EPG5: variants seen among roughly 807,000 people sequenced by gnomAD.
EPG5 encodes the protein ectopic P granules protein 5 homolog.
Under a neutral mutation model 302.7 loss-of-function variants are expected in EPG5, and 159 were observed. The ratio of observed to expected loss-of-function variants is 0.53; its 90% CI spans 0.46 to 0.60. EPG5 has a LOEUF of 0.60. EPG5 is among the 20% of genes least tolerant of loss of function. The pLI is 0.00. For synonymous variants in EPG5, 1,158 were observed against 1,136.8 expected (o/e 1.02, Z -0.37); for missense variants, 2,896 against 3,092.4 (o/e 0.94, Z 1.51).
intron 16 of EPG5, among the ~76,000 whole-genome samples, chr18:45,921,527 C>T (rs2145751945): frequency 6.6e-6 from 1 of 152,220 alleles, no homozygotes; most frequent in Middle Eastern, 3.4e-3. Flanking sequence ...AAATGCCATT[C>T]CTGGGCACTT....
At chr18:45,908,169 T>C in intron 23 of EPG5, 88 bp from the exon 24 acceptor site, 1 of 1,042,436 alleles carries the variant, frequency 9.6e-7, no homozygotes, top group Non-Finnish European at 1.3e-6. Context: ...CTGGCACCCC[T>C]ACATAAGAGT....
At chr18:45,939,962 CAAATA>C (rs1311087969) in intron 9 of EPG5, among the ~76,000 whole-genome samples, 1 of 151,664 alleles carries the variant, frequency 6.6e-6, no homozygotes, top group Non-Finnish European at 1.5e-5. Flanking sequence ...AAAGAGACAA[CAAATA>C]AAATAAAGTC....
At chr18:45,870,421 T>C (rs1278117983) in intron 36 of EPG5, 146 bp downstream of exon 36, 3 of 572,368 alleles carry the variant, frequency 5.2e-6, no homozygotes, top group Non-Finnish European at 8.4e-6. Context: ...AGACACTGTT[T>C]TCCACAGGCA....
chr18:45,941,161 G>A (rs1384100729), intron 9 of EPG5, among the ~76,000 whole-genome samples: 2 of 152,224 alleles, frequency 1.3e-5, no homozygotes, highest in Non-Finnish European at 2.9e-5. Context: ...CTGGAAGTGA[G>A]AATGAAACAA....
At chr18:45,840,212 G>A in the EPG5 span, 232,059 of 1,611,182 alleles carry the variant, frequency 0.14, 22,474 homozygotes, top group Admixed American at 0.42. Flanking sequence ...CTCCCACAGA[G>A]CATCTGGACA....
At chr18:45,807,670 G>A in the EPG5 span, among the ~76,000 whole-genome samples, 1 of 152,126 alleles carries the variant, frequency 6.6e-6, no homozygotes, top group Non-Finnish European at 1.5e-5. Context: ...CACATCCATA[G>A]GAAAAGGGAG....
Position 45,876,346 on chromosome 18 carries a change from T to G in EPG5, c.5943-4A>C. On this transcript the variant is annotated splice_polypyrimidine_tract_variant and splice_region_variant and intron_variant, in intron 34 of 43. Coordinates refer to ENST00000282041, the MANE Select transcript of EPG5 (RefSeq NM_020964.3). The stretch of plus-strand genomic sequence containing the variant: ...GGGGTAATGCCGCTGTTGGCTGCTT[T>G]AAAGAAAAGAAGCACACACTTAGGA... 2 of 1,611,134 alleles carry G rather than the reference T, an allele frequency of 1.2e-6. No homozygotes were observed. Among genetic ancestry groups the G allele is most frequent in the Non-Finnish European group, 1.7e-6 (2 of 1,177,312 alleles).
chr18:45,866,868 G>C lies in EPG5; in HGVS notation c.6551C>G (p.Ala2184Gly), dbSNP rs2048758988. Residue 2184 changes from alanine to glycine, a missense_variant, in exon 38 of 44, where the codon GCT (alanine) becomes GGT (glycine). By Grantham distance (60) the Ala-to-Gly change is moderately conservative. Transcript: ENST00000282041. ...TTTTAGGAGCTTCATGATTAATTCA[G>C]CATAAGATTCTTTTGCCAGGATGAT... ...PSIILAKESY[A>G]ELIMKLLKVS... is the part of the protein sequence containing the mutation. 1.9e-6 allele frequency: 3 copies of C among 1,614,014 alleles called. No homozygotes were observed. The highest frequency in any genetic ancestry group is 3.3e-5 in the Admixed American group (2 of 59,998).
intron 30 of EPG5, among the ~76,000 whole-genome samples, chr18:45,882,939 G>A (rs980032440): frequency 7.9e-5 from 12 of 151,010 alleles, no homozygotes; most frequent in South Asian, 2.1e-4. Flanking sequence ...CCCAGGAGGC[G>A]GAGGTTGCAG....
At chr18:45,835,316 A>AG in the EPG5 span, among the ~76,000 whole-genome samples, 1 of 152,326 alleles carries the variant, frequency 6.6e-6, no homozygotes, top group East Asian at 1.9e-4. Flanking sequence ...TGCACTAGAG[A>AG]GAAAAAGTAT....
intron 26 of EPG5, 43 bp downstream of exon 26, chr18:45,900,953 C>T (rs764002649): frequency 6.4e-7 from 1 of 1,570,564 alleles, no homozygotes; most frequent in Admixed American, 1.8e-5. Context: ...GCTGTCAAAG[C>T]CACCAACATG....
chr18:45,955,216 C>T lies in EPG5; in HGVS notation c.186G>A (p.Val62=). ...CATCCTGGAGCTGGGAATCAGTTAC[C>T]ACCTTCAGATGGTCTCCTTTGAATT... ...ACEFKGDHLK[V]VTDSQLQDDA... The change falls in exon 2 of 44, where the codon GTG becomes GTA. Residue 62 remains valine, a synonymous_variant. Coordinates refer to ENST00000282041, the MANE Select transcript of EPG5 (RefSeq NM_020964.3). 6.2e-7 allele frequency: 1 copy of T among 1,614,142 alleles called. No individual in the cohort carries two copies. The highest frequency in any genetic ancestry group is 8.5e-7 in the Non-Finnish European group (1 of 1,180,024).
intron 43 of EPG5, among the ~76,000 whole-genome samples, chr18:45,854,313 G>C (rs2048471276): frequency 6.6e-6 from 1 of 152,172 alleles, no homozygotes; most frequent in Admixed American, 6.5e-5. Context: ...TCTGATCCTT[G>C]CTCTTAATAA....
downstream of EPG5, chr18:45,844,176 A>T (rs1361156522): frequency 6.6e-6 from 1 of 152,218 alleles, no homozygotes; most frequent in Non-Finnish European, 1.5e-5. Context: ...AGAAAGATAA[A>T]TATCGCATGT....
chr18:45,918,383 T>C (rs1002442476), intron 16 of EPG5, among the ~76,000 whole-genome samples: 9 of 152,220 alleles, frequency 5.9e-5, no homozygotes, highest in African/African-American at 2.2e-4. Flanking sequence ...AACATTTCCT[T>C]TGAGTGCAAT....
intron 35 of EPG5, among the ~76,000 whole-genome samples, chr18:45,872,285 A>G (rs553842260): frequency 4.4e-4 from 67 of 152,352 alleles, no homozygotes; most frequent in African/African-American, 1.6e-3. Context: ...TATAAGGGAC[A>G]TTTAGTCTAA....
At position 45,927,603 on chromosome 18, in the gene EPG5, C is replaced by T. The variant is rs924508247; in HGVS notation, c.2553+1266G>A. ...ATAAACAAAAAGTTATACACACACACACACACACACACACACACACACACA... is the reference window on the plus strand; with the variant it reads ...ATAAACAAAAAGTTATACACACACATACACACACACACACACACACACACA... On this transcript the variant is annotated intron_variant, in intron 13 of 43. Transcript: ENST00000282041. Among the ~76,000 whole-genome samples, 39 of 148,012 alleles carry T rather than the reference C, an allele frequency of 2.6e-4. 1 individual carries two copies. Among genetic ancestry groups the T allele is most frequent in the African/African-American group, 9.3e-4 (36 of 38,514 alleles).
rs762675563 is a variant in EPG5, at chr18:45,936,720, CAAAAAAA to C, written c.2100-1761_2100-1755del. 1.5e-3 allele frequency among the ~76,000 whole-genome samples: 79 copies of C among 53,846 alleles called. 1 individual carries two copies. The highest frequency in any genetic ancestry group is 8.2e-3 in the South Asian group (12 of 1,466). The allele number at this position is 53,846 out of a possible 152,430, so 35.3% of individuals were successfully genotyped here. On this transcript the variant is annotated intron_variant, in intron 10 of 43. Transcript: ENST00000282041. ...TGGACAACAGAGTGAGACTCCATTT[CAAAAAAA>C]AAAAAAAAAAAAGGAAATCTGCAAA...
intron 39 of EPG5, among the ~76,000 whole-genome samples, chr18:45,862,561 C>T (rs191497785): frequency 6.6e-6 from 1 of 151,366 alleles, no homozygotes; most frequent in Non-Finnish European, 1.5e-5. Flanking sequence ...TGTTCTCATA[C>T]TAGAGTTCTC....
Sources: gnomAD v4.1 joint callset for allele counts (sites outside exome capture counted in the v4.1 genomes callset) on GRCh38, gnomAD v4.1.1 for gene constraint, MANE v1.5 for transcripts, NCBI Gene and HGNC (gene_info 2026-07-23, HGNC 2026-07-21) for gene names.